Variants in USP9Y observed in about 807,000 individuals in gnomAD.
USP9Y encodes ubiquitin specific peptidase 9 Y-linked.
A neutral mutation model predicts 53.1 loss-of-function variants in USP9Y; 41 were observed. The ratio of observed to expected loss-of-function variants is 0.77; its 90% CI spans 0.60 to 1.00. The LOEUF (loss-of-function observed/expected upper bound fraction) is 1.00. USP9Y is among the 50% of genes least tolerant of loss of function. The probability of loss-of-function intolerance (pLI) is 0.00; values close to 1 mark genes in which losing one functional copy is unlikely to be tolerated. For synonymous variants in USP9Y, 220 were observed against 173.7 expected, an observed-to-expected ratio of 1.27 and a Z score of -2.09; for missense variants, 567 against 535.8, an observed-to-expected ratio of 1.06 and a Z score of -0.58.
intron 22 of USP9Y, among the ~76,000 whole-genome samples, chrY:12,780,598 T>C: frequency 3.0e-5 from 1 of 33,679 alleles, no homozygotes; most frequent in Non-Finnish European, 7.4e-5. Flanking sequence ...TTTGTTTTTT[T>C]CTATTTTTTT....
intron 24 of USP9Y, among the ~76,000 whole-genome samples, chrY:12,788,862 C>T (rs377152976): frequency 3.3e-5 from 1 of 30,639 alleles, no homozygotes; most frequent in African/African-American, 1.3e-4. Flanking sequence ...CTGGGACTCC[C>T]GGCGCGTGCC....
At chrY:12,769,605 C>G in intron 15 of USP9Y, among the ~76,000 whole-genome samples, 1 of 34,003 alleles carries the variant, frequency 2.9e-5, no homozygotes, top group Non-Finnish European at 7.3e-5. Context: ...TTTAATCTCG[C>G]AAACAGTCAT....
intron 3 of USP9Y, among the ~76,000 whole-genome samples, chrY:12,717,210 A>G (rs2148279756): frequency 3.1e-5 from 1 of 32,085 alleles, no homozygotes; most frequent in Non-Finnish European, 7.6e-5. Flanking sequence ...TGTCAGATCA[A>G]TGGCAGCATT....
intron 27 of USP9Y, among the ~76,000 whole-genome samples, chrY:12,798,076 C>G: frequency 3.8e-5 from 1 of 26,550 alleles, no homozygotes; most frequent in African/African-American, 1.5e-4. Flanking sequence ...CTTCCCTCCC[C>G]CTTCCCCTCC....
rs2053488890 is a variant in USP9Y, at chrY:12,773,823, A to G, written c.2229A>G (p.Arg743=). ...AAAATGGAATGAAATGCTTTGAAAGATTTTTCAAAGCTGTCAATTGTCGAG... is the reference window on the plus strand; with the variant it reads ...AAAATGGAATGAAATGCTTTGAAAGGTTTTTCAAAGCTGTCAATTGTCGAG... The part of the protein sequence containing the change: ...LTENGMKCFE[R]FFKAVNCRER... Residue 743 remains arginine (R), a synonymous_variant, in exon 17 of 46, where the codon AGA becomes AGG. Coordinates refer to ENST00000338981, the MANE Select transcript of USP9Y (RefSeq NM_004654.4). The G allele has an allele frequency of 7.6e-6, 3 of 396,077 alleles. No individual in the cohort carries two copies. Among genetic ancestry groups the G allele is most frequent in the Admixed American group, 7.6e-5 (1 of 13,117 alleles).
intron 22 of USP9Y, among the ~76,000 whole-genome samples, chrY:12,784,850 T>G: frequency 3.0e-5 from 1 of 33,343 alleles, no homozygotes; most frequent in African/African-American, 1.2e-4. Flanking sequence ...GAACATTCTC[T>G]TATATAACCA....
At chrY:12,852,554 G>T (rs2053572278) in intron 42 of USP9Y, among the ~76,000 whole-genome samples, 4 of 33,097 alleles carry the variant, frequency 1.2e-4, no homozygotes, top group African/African-American at 4.7e-4. Context: ...ACTTTGTTCC[G>T]TTGCTGGCGA....
chrY:12,771,790 C>T (rs2053486203), intron 16 of USP9Y, among the ~76,000 whole-genome samples: 1 of 31,264 alleles, frequency 3.2e-5, no homozygotes, highest in African/African-American at 1.3e-4. Flanking sequence ...TCAGTCAGTT[C>T]ATAACTATTG....
chrY:12,734,079 C>T, intron 7 of USP9Y, among the ~76,000 whole-genome samples: 4 of 33,338 alleles, frequency 1.2e-4, no homozygotes, highest in Non-Finnish European at 3.0e-4. Context: ...TTTATTTTTG[C>T]TGCCTTACCT....
chrY:12,734,735 A>G (rs1262899578), intron 7 of USP9Y, among the ~76,000 whole-genome samples: 1 of 33,352 alleles, frequency 3.0e-5, no homozygotes, highest in South Asian at 6.6e-4. Context: ...CATGTCCTGA[A>G]TATGTTTTTC....
chrY:12,765,406 T>G, intron 15 of USP9Y, among the ~76,000 whole-genome samples: 1 of 32,760 alleles, frequency 3.1e-5, no homozygotes, highest in Non-Finnish European at 7.5e-5. Flanking sequence ...CTTTGTCATG[T>G]TTCAAAAAAT....
chrY:12,769,077 G>A, intron 15 of USP9Y, among the ~76,000 whole-genome samples: 1 of 33,374 alleles, frequency 3.0e-5, no homozygotes, highest in Non-Finnish European at 7.4e-5. Context: ...AGTGTATAGG[G>A]GATGAAAAAG....
intron 22 of USP9Y, among the ~76,000 whole-genome samples, chrY:12,780,095 T>C (rs909747971): frequency 6.4e-4 from 22 of 34,453 alleles, no homozygotes; most frequent in African/African-American, 2.2e-3. Context: ...GCATCCTTAC[T>C]CTCTGGTCAT....
chrY:12,818,332 AT>A, intron 32 of USP9Y, 87 bp from the exon 33 acceptor site: 4 of 247,062 alleles, frequency 1.6e-5, no homozygotes, highest in South Asian at 1.5e-4. Context: ...ATAACATTTC[AT>A]TTACTAACTT....
intron 34 of USP9Y, 35 bp downstream of exon 34, chrY:12,833,896 T>A: frequency 2.7e-6 from 1 of 372,647 alleles, no homozygotes; most frequent in Non-Finnish European, 3.8e-6. Flanking sequence ...GTATACTTCG[T>A]GTTGTTTTTT....
chrY:12,775,427 C>A lies in USP9Y; in HGVS notation c.2332-44C>A, dbSNP rs773487799. 3 of 274,494 alleles carry A rather than the reference C, an allele frequency of 1.1e-5. No homozygotes were observed. In the South Asian group the frequency reaches 1.2e-4, roughly 11 times the overall value. 68.5% of individuals were successfully genotyped at this position (274,494 alleles called of 400,897 possible). A position where few individuals can be genotyped will look rare whatever the true frequency, so the allele number is the denominator to read the frequency against. On this transcript the variant is annotated intron_variant, in intron 17 of 45. Transcript: ENST00000338981. The stretch of plus-strand genomic sequence containing the variant: ...ATTTAAATTTAAATACCAAATTAAA[C>A]TGTATCTTGAATGGTTTTAATACTG...
At chrY:12,812,289 C>T (rs1023543767) in intron 30 of USP9Y, among the ~76,000 whole-genome samples, 4 of 33,470 alleles carry the variant, frequency 1.2e-4, no homozygotes, top group Admixed American at 8.2e-4. Context: ...AACTTTAAAA[C>T]GTGTGCCTCA....
Position 12,791,551 on chromosome Y carries a change from T to C in USP9Y, c.3740T>C (p.Ile1247Thr). Residue 1247 changes from isoleucine to threonine, a missense_variant, in exon 26 of 46, where the codon ATC becomes ACC. Ile to Thr is a moderately conservative substitution (Grantham distance 89, BLOSUM62 -1). Coordinates refer to ENST00000338981, the MANE Select transcript of USP9Y (RefSeq NM_004654.4). ...ICVIRAIQKI[I>T]WASACGALGL... ...GTAATTAGGGCTATACAGAAAATTA[T>C]CTGGGCATCAGCATGTGGGGCATTA... 1 of 395,074 alleles carries C rather than the reference T, an allele frequency of 2.5e-6. No homozygotes were observed.
In USP9Y at chrY:12,810,679, C is replaced by G; in HGVS notation, c.4100C>G (p.Ala1367Gly). The change falls in exon 29 of 46, where the codon GCA becomes GGA. Residue 1367 changes from alanine to glycine, a missense_variant. Physicochemically the swap from Ala to Gly is moderately conservative, Grantham distance 60. Coordinates refer to ENST00000338981, the MANE Select transcript of USP9Y (RefSeq NM_004654.4). ...TTTAATTTAATATTTCAGAGCACAG[C>G]AAGAGAGAAGGGTAAATATTCAGGT... ...TLLFTILGST[A>G]REKGKYSGDY... The G allele has an allele frequency of 2.5e-6, 1 of 395,692 alleles. No individual in the cohort carries two copies. Among genetic ancestry groups the G allele is most frequent in the South Asian group, 3.0e-5 (1 of 33,499 alleles).
Sources: gnomAD v4.1 joint callset for allele counts (sites outside exome capture counted in the v4.1 genomes callset) on GRCh38, gnomAD v4.1.1 for gene constraint, MANE v1.5 for transcripts, NCBI Gene and HGNC (gene_info 2026-07-23, HGNC 2026-07-21) for gene names.